Variants in HCN1 observed in about 807,000 individuals in gnomAD.
The protein encoded by HCN1 is potassium/sodium hyperpolarization-activated cyclic nucleotide-gated channel 1.
HCN1 carries 13 observed loss-of-function variants against 78.9 expected under a neutral mutation model. The ratio of observed to expected loss-of-function variants is 0.16; its 90% CI spans 0.11 to 0.26. The LOEUF (loss-of-function observed/expected upper bound fraction) is 0.26. HCN1 is among the 10% of genes least tolerant of loss of function. HCN1 has a pLI of 1.00. For missense variants in HCN1, 810 were observed against 1,154.3 expected (o/e 0.70, Z 4.32); for synonymous variants, 552 against 455.5 (o/e 1.21, Z -2.70).
chr5:45,500,796 G>T (rs575272464), intron 2 of HCN1, among the ~76,000 whole-genome samples: 12 of 152,134 alleles, frequency 7.9e-5, no homozygotes, highest in African/African-American at 2.2e-4. Context: ...CATTTTATTT[G>T]AGAAAAAAAT....
At chr5:45,618,377 A>T (rs186766258) in intron 2 of HCN1, among the ~76,000 whole-genome samples, 1 of 152,206 alleles carries the variant, frequency 6.6e-6, no homozygotes, top group East Asian at 1.9e-4. Context: ...CCTGAACTAG[A>T]AGCCTATAGT....
chr5:45,445,723 G>A, intron 3 of HCN1, among the ~76,000 whole-genome samples: 1 of 152,132 alleles, frequency 6.6e-6, no homozygotes, highest in East Asian at 1.9e-4. Context: ...CAGCATTCAC[G>A]GTTCATGAAA....
intron 6 of HCN1, among the ~76,000 whole-genome samples, chr5:45,277,987 C>T (rs1280937266): frequency 6.6e-6 from 1 of 152,096 alleles, no homozygotes; most frequent in East Asian, 1.9e-4. Flanking sequence ...ATAAAGTCTG[C>T]CTCTAATACT....
chr5:45,507,769 G>A lies in HCN1; in HGVS notation c.850-45762C>T, dbSNP rs576865790. On this transcript the variant is annotated intron_variant, in intron 2 of 7. Transcript: ENST00000303230. ...AGAAAGACAAGCTATAAACAAACAT[G>A]TTAGATCAGTGTTTGGAAATTCTTA... Among the ~76,000 whole-genome samples the A allele has an allele frequency of 2.0e-5, 3 of 152,144 alleles. No homozygotes were observed. In the East Asian group the frequency reaches 5.8e-4, roughly 29 times the overall value.
At chr5:45,595,807 C>A (rs1201088685) in intron 2 of HCN1, among the ~76,000 whole-genome samples, 2 of 150,970 alleles carry the variant, frequency 1.3e-5, no homozygotes, top group African/African-American at 4.9e-5. Context: ...TATAGCTATT[C>A]CCTGAATTAT....
chr5:45,266,170 A>C (rs755106895), intron 7 of HCN1, among the ~76,000 whole-genome samples: 20 of 152,358 alleles, frequency 1.3e-4, no homozygotes, highest in African/African-American at 4.6e-4. Flanking sequence ...CAAATCTTCA[A>C]ACTAGCATAA....
At chr5:45,608,917 A>C (rs1052802857) in intron 2 of HCN1, among the ~76,000 whole-genome samples, 1 of 152,084 alleles carries the variant, frequency 6.6e-6, no homozygotes, top group East Asian at 1.9e-4. Flanking sequence ...CCTATGAATC[A>C]GTAGAAGAAA....
intron 2 of HCN1, among the ~76,000 whole-genome samples, chr5:45,525,448 C>CT (rs1742717420): frequency 2.1e-5 from 3 of 141,704 alleles, no homozygotes; most frequent in African/African-American, 9.3e-5. Flanking sequence ...GGTTTAATAT[C>CT]GACATCAAAT....
chr5:45,516,567 T>C (rs1362738532), intron 2 of HCN1, among the ~76,000 whole-genome samples: 2 of 151,970 alleles, frequency 1.3e-5, no homozygotes, highest in East Asian at 1.9e-4. Context: ...AATTAGTTTG[T>C]GGTATTAGAT....
chr5:45,550,962 A>G (rs751496595), intron 2 of HCN1, among the ~76,000 whole-genome samples: 2 of 152,128 alleles, frequency 1.3e-5, no homozygotes, highest in African/African-American at 4.8e-5. Flanking sequence ...ATTTGTTAGA[A>G]ATAGAGAAAA....
intron 2 of HCN1, among the ~76,000 whole-genome samples, chr5:45,513,871 C>A (rs1352488165): frequency 1.3e-5 from 2 of 152,072 alleles, no homozygotes; most frequent in African/African-American, 4.8e-5. Flanking sequence ...AAGGTAGATA[C>A]ATGAAATTTA....
At chr5:45,333,331 G>C (rs1271270694) in intron 5 of HCN1, among the ~76,000 whole-genome samples, 1 of 151,394 alleles carries the variant, frequency 6.6e-6, no homozygotes, top group Non-Finnish European at 1.5e-5. Context: ...TTTTTATTTG[G>C]ATTATTAGAC....
At chr5:45,327,465 T>C (rs535748201) in intron 5 of HCN1, among the ~76,000 whole-genome samples, 2 of 151,746 alleles carry the variant, frequency 1.3e-5, no homozygotes, top group South Asian at 2.1e-4. Context: ...CATAACAATA[T>C]ATGTATATGC....
intron 3 of HCN1, among the ~76,000 whole-genome samples, chr5:45,447,331 C>T (rs540888892): frequency 4.1e-4 from 62 of 152,288 alleles, no homozygotes; most frequent in African/African-American, 1.5e-3. Flanking sequence ...TAACCACAGC[C>T]TCCCCAGCTC....
intron 4 of HCN1, among the ~76,000 whole-genome samples, chr5:45,372,014 A>AT (rs1468541138): frequency 1.5e-4 from 12 of 78,330 alleles, no homozygotes; most frequent in Admixed American, 2.4e-4. Context: ...TATATATCAT[A>AT]TAATATATAT....
At chr5:45,440,636 T>C (rs1740652127) in intron 3 of HCN1, among the ~76,000 whole-genome samples, 1 of 152,232 alleles carries the variant, frequency 6.6e-6, no homozygotes, top group East Asian at 1.9e-4. Context: ...CGTGTTGCTC[T>C]GTTTTGTCTA....
intron 4 of HCN1, among the ~76,000 whole-genome samples, chr5:45,372,242 T>TA (rs1561128197): frequency 1.4e-5 from 1 of 71,538 alleles, no homozygotes; most frequent in East Asian, 5.3e-4. Flanking sequence ...ATATTATATT[T>TA]TATATATAAT....
chr5:45,496,987 T>G (rs969852471), intron 2 of HCN1, among the ~76,000 whole-genome samples: 1 of 152,180 alleles, frequency 6.6e-6, no homozygotes, highest in Admixed American at 6.5e-5. Flanking sequence ...GAGCAGGTTG[T>G]TCAGTTTCCA....
chr5:45,498,167 G>A lies in HCN1; in HGVS notation c.850-36160C>T, dbSNP rs370417723. Among the ~76,000 whole-genome samples the A allele has an allele frequency of 5.3e-5, 8 of 152,248 alleles. No individual in the cohort carries two copies. The South Asian group carries it at 8.3e-4, about 16-fold the overall frequency. On this transcript the variant is annotated intron_variant, in intron 2 of 7. Transcript: ENST00000303230. ...GACTGGGGAAGTTCTCCTGGATAATGTCCTGCAGAGTGTTTTCCAACTTGG... is the reference window on the plus strand; with the variant it reads ...GACTGGGGAAGTTCTCCTGGATAATATCCTGCAGAGTGTTTTCCAACTTGG...
Sources: gnomAD v4.1 joint callset for allele counts (sites outside exome capture counted in the v4.1 genomes callset) on GRCh38, gnomAD v4.1.1 for gene constraint, MANE v1.5 for transcripts, NCBI Gene and HGNC (gene_info 2026-07-23, HGNC 2026-07-21) for gene names.